ULK4: variants seen among roughly 807,000 people sequenced by gnomAD.
The protein encoded by ULK4 is inactive serine/threonine-protein kinase ULK4.
ULK4 carries 133 observed loss-of-function variants against 160.6 expected under a neutral mutation model. That is an observed-to-expected ratio of 0.83 (90% CI 0.72 to 0.96). The LOEUF is 0.96. Among genes scored for constraint, ULK4 ranks in the 40% least tolerant of loss-of-function variants. ULK4 has a pLI of 0.00. For missense variants in ULK4, 1,580 were observed against 1,499.5 expected (o/e 1.05, Z -0.89); for synonymous variants, 534 against 539.8 (o/e 0.99, Z 0.15).
chr3:41,715,175 T>C (rs543499248), intron 25 of ULK4, 62 bp downstream of exon 25: 3 of 1,517,488 alleles, frequency 2.0e-6, no homozygotes, highest in East Asian at 4.5e-5. Context: ...GACATCAAAT[T>C]CTACAAACAG....
chr3:41,273,112 A>G (rs2079166916), intron 35 of ULK4, among the ~76,000 whole-genome samples: 1 of 152,230 alleles, frequency 6.6e-6, no homozygotes, highest in South Asian at 2.1e-4. Flanking sequence ...AAATTGTATA[A>G]CATTATAAAA....
rs55741060 is a variant in ULK4 at position 41,865,271 on chromosome 3, TAAAAAAAAAAAAAAAAAA to T, written c.1656+18585_1656+18602del. ...GGGCAACAGAGCAAGACTCTGTCTT[TAAAAAAAAAAAAAAAAAA>T]AAAAAAAAAAAAAAAAGCCTTATCT... is the stretch of plus-strand genomic sequence containing the variant. On this transcript the variant is annotated intron_variant, in intron 17 of 36. Transcript: ENST00000301831. Among the ~76,000 whole-genome samples, 49 of 29,906 alleles carry T rather than the reference TAAAAAAAAAAAAAAAAAA, an allele frequency of 1.6e-3. 1 individual carries two copies. The highest frequency in any genetic ancestry group is 2.3e-3 in the Non-Finnish European group (39 of 16,732). 19.6% of individuals were successfully genotyped at this position (29,906 alleles called of 152,430 possible). A position where few individuals can be genotyped will look rare whatever the true frequency, so the allele number is the denominator to read the frequency against.
At chr3:41,519,403 G>A (rs937747955) in intron 32 of ULK4, among the ~76,000 whole-genome samples, 8 of 152,138 alleles carry the variant, frequency 5.3e-5, no homozygotes, top group Admixed American at 4.6e-4. Context: ...CCTCACTACC[G>A]TGGATGCCGA....
In ULK4 at chr3:41,682,301, C is replaced by T. The variant is rs575108712; in HGVS notation, c.2782-497G>A. 2.6e-5 allele frequency among the ~76,000 whole-genome samples: 4 copies of T among 152,242 alleles called. No individual in the cohort carries two copies. The South Asian group carries it at 8.3e-4, about 32-fold the overall frequency. ...GATGTAAATCCACTATACAAACCAC[C>T]CCTGTGAGTTCCTAGTTGTATCAGA... On this transcript the variant is annotated intron_variant, in intron 27 of 36. Coordinates refer to ENST00000301831, the MANE Select transcript of ULK4 (RefSeq NM_017886.4).
chr3:41,566,936 G>A (rs961576750), intron 31 of ULK4, among the ~76,000 whole-genome samples: 1 of 152,184 alleles, frequency 6.6e-6, no homozygotes, highest in South Asian at 2.1e-4. Context: ...GGTGCAAAAT[G>A]TAAGGTAGTA....
intron 34 of ULK4, among the ~76,000 whole-genome samples, chr3:41,440,463 T>C (rs900240881): frequency 2.0e-5 from 3 of 152,190 alleles, no homozygotes; most frequent in African/African-American, 7.2e-5. Context: ...TATTACTTGA[T>C]TGATTTTTAA....
intron 32 of ULK4, among the ~76,000 whole-genome samples, chr3:41,563,074 C>T (rs908123228): frequency 1.3e-5 from 2 of 152,174 alleles, no homozygotes; most frequent in African/African-American, 2.4e-5. Context: ...AGTCTCTCAG[C>T]ATTTGCTTGT....
intron 27 of ULK4, among the ~76,000 whole-genome samples, chr3:41,700,086 C>T (rs777283162): frequency 4.6e-5 from 7 of 152,138 alleles, no homozygotes; most frequent in Non-Finnish European, 8.8e-5. Context: ...CCATGACAAA[C>T]AGGTTCCTAG....
intron 17 of ULK4, chr3:41,882,040 G>C (rs1041746913): frequency 1.7e-6 from 1 of 596,122 alleles, no homozygotes; most frequent in African/African-American, 1.9e-5. Flanking sequence ...ACATCACCCA[G>C]GGTGACCAAC....
intron 17 of ULK4, among the ~76,000 whole-genome samples, chr3:41,844,238 ACT>A (rs2042009164): frequency 6.6e-6 from 1 of 151,714 alleles, no homozygotes; most frequent in Non-Finnish European, 1.5e-5. Context: ...CGCTGGGGAG[ACT>A]CGGGCTGCAC....
At chr3:41,353,735 CTA>C (rs1491169428) in intron 35 of ULK4, among the ~76,000 whole-genome samples, 2 of 147,420 alleles carry the variant, frequency 1.4e-5, no homozygotes, top group African/African-American at 5.3e-5. Context: ...ACTACTACTA[CTA>C]CTACTACTAC....
At chr3:41,562,473 C>T (rs540799131) in intron 32 of ULK4, among the ~76,000 whole-genome samples, 1 of 152,122 alleles carries the variant, frequency 6.6e-6, no homozygotes, top group African/African-American at 2.4e-5. Flanking sequence ...TTAAAGTCTC[C>T]CATTATTATT....
intron 35 of ULK4, among the ~76,000 whole-genome samples, chr3:41,333,839 A>G (rs2080497560): frequency 1.3e-5 from 2 of 152,296 alleles, no homozygotes; most frequent in East Asian, 1.9e-4. Flanking sequence ...TCAGTGATTC[A>G]GTTAGTCTGG....
At chr3:41,878,048 T>C (rs540231685) in intron 17 of ULK4, among the ~76,000 whole-genome samples, 1 of 129,170 alleles carries the variant, frequency 7.7e-6, no homozygotes, top group East Asian at 2.3e-4. Context: ...GAAACAATAG[T>C]ACCTAGATCT....
chr3:41,787,331 G>A (rs1324323358), intron 21 of ULK4, among the ~76,000 whole-genome samples: 1 of 152,164 alleles, frequency 6.6e-6, no homozygotes, highest in Non-Finnish European at 1.5e-5. Flanking sequence ...CAGCATCAGT[G>A]GAGGCAATGA....
intron 22 of ULK4, among the ~76,000 whole-genome samples, chr3:41,748,559 T>G (rs2038501008): frequency 6.6e-6 from 1 of 152,150 alleles, no homozygotes; most frequent in Admixed American, 6.6e-5. Context: ...TTCATTTTTA[T>G]TTCTATTTTT....
At position 41,661,342 on chromosome 3, in the gene ULK4, T is replaced by C. The variant is rs117928973; in HGVS notation, c.3071+2265A>G. Among the ~76,000 whole-genome samples the C allele has an allele frequency of 3.1e-3, 465 of 151,552 alleles. 1 individual carries two copies. The East Asian group carries it at 0.037, about 12-fold the overall frequency. ...TAGATACAGAATGATACTATCTAGG[T>C]TTTTTTTTAGTCAATCACCACGAAG... On this transcript the variant is annotated intron_variant, in intron 30 of 36. Coordinates refer to ENST00000301831, the MANE Select transcript of ULK4 (RefSeq NM_017886.4).
At chr3:41,288,129 G>A (rs1157309075) in intron 35 of ULK4, among the ~76,000 whole-genome samples, 2 of 152,108 alleles carry the variant, frequency 1.3e-5, no homozygotes, top group Non-Finnish European at 2.9e-5. Context: ...GTTATTCTCT[G>A]TATATAGTTT....
At chr3:41,449,769 TTTTAA>T (rs1165366652) in intron 34 of ULK4, among the ~76,000 whole-genome samples, 2 of 151,828 alleles carry the variant, frequency 1.3e-5, no homozygotes, top group Admixed American at 6.6e-5. Context: ...TGTGTTTTAT[TTTTAA>T]TTTATTTTTA....
Sources: gnomAD v4.1 joint callset for allele counts (sites outside exome capture counted in the v4.1 genomes callset) on GRCh38, gnomAD v4.1.1 for gene constraint, MANE v1.5 for transcripts, NCBI Gene and HGNC (gene_info 2026-07-23, HGNC 2026-07-21) for gene names.